GULP1: variants seen among roughly 807,000 people sequenced by gnomAD.
GULP1 encodes the protein GULP PTB domain containing engulfment adaptor 1.
A neutral mutation model predicts 40.9 loss-of-function variants in GULP1; 19 were observed. That is an observed-to-expected ratio of 0.46 (90% confidence interval 0.32 to 0.68). The LOEUF is 0.68. Among genes scored for constraint, GULP1 ranks in the 30% least tolerant of loss-of-function variants. GULP1 has a pLI of 0.03. For missense variants in GULP1, 312 were observed against 362.2 expected (o/e 0.86, Z 1.12); for synonymous variants, 119 against 117.6 (o/e 1.01, Z -0.08).
In GULP1 at chr2:188,548,827, GGTTTTGTTTT is replaced by G. The variant is rs146982832; in HGVS notation, c.399+7535_399+7544del. ...AAAAGCAGTGCAATAGGGGAAAGAAGGTTTTGTTTTGTTTTGTTTTGTTTTGTTTTGTTTT... is the reference window on the plus strand; with the variant it reads ...AAAAGCAGTGCAATAGGGGAAAGAAGGTTTTGTTTTGTTTTGTTTTGTTTT... On this transcript the variant is annotated intron_variant, in intron 7 of 11. Transcript: ENST00000409830. Among the ~76,000 whole-genome samples, 731 of 149,576 alleles carry G rather than the reference GGTTTTGTTTT, an allele frequency of 4.9e-3. 10 individuals carry two copies. The highest frequency in any genetic ancestry group is 0.017 in the African/African-American group (681 of 40,748).
intron 1 of GULP1, among the ~76,000 whole-genome samples, chr2:188,335,386 T>G (rs1359073650): frequency 6.6e-6 from 1 of 152,190 alleles, no homozygotes; most frequent in Non-Finnish European, 1.5e-5. Flanking sequence ...TCAGATGTTT[T>G]CTTTGCATTT....
At chr2:188,516,470 T>C (rs1300369836) in intron 4 of GULP1, among the ~76,000 whole-genome samples, 1 of 152,148 alleles carries the variant, frequency 6.6e-6, no homozygotes, top group Non-Finnish European at 1.5e-5. Context: ...CTTGTATATT[T>C]GTTTTCACTC....
chr2:188,496,163 C>T (rs1400886177), intron 4 of GULP1, among the ~76,000 whole-genome samples: 1 of 151,986 alleles, frequency 6.6e-6, no homozygotes, highest in Non-Finnish European at 1.5e-5. Flanking sequence ...CCAGATTCTG[C>T]AGGTTCAGAT....
At chr2:188,363,574 G>T (rs941856585) in intron 1 of GULP1, among the ~76,000 whole-genome samples, 2 of 152,122 alleles carry the variant, frequency 1.3e-5, no homozygotes, top group African/African-American at 4.8e-5. Context: ...AGGAATGAAT[G>T]AAGTGTTAGT....
At chr2:188,570,622 A>C (rs375460784) in intron 9 of GULP1, among the ~76,000 whole-genome samples, 1 of 152,306 alleles carries the variant, frequency 6.6e-6, no homozygotes, top group East Asian at 1.9e-4. Context: ...GACAAAACTC[A>C]AGTCTTTGTA....
At chr2:188,378,813 G>A (rs1174669341) in intron 1 of GULP1, among the ~76,000 whole-genome samples, 1 of 152,094 alleles carries the variant, frequency 6.6e-6, no homozygotes, top group East Asian at 1.9e-4. Flanking sequence ...GTTTAACATT[G>A]GGGATCACAT....
At chr2:188,445,062 G>T (rs1436130904) in intron 2 of GULP1, among the ~76,000 whole-genome samples, 6 of 152,092 alleles carry the variant, frequency 3.9e-5, no homozygotes, top group Admixed American at 6.6e-5. Context: ...GGAACGAAAA[G>T]GTTCCTAGTT....
intron 1 of GULP1, among the ~76,000 whole-genome samples, chr2:188,368,567 C>G (rs535002213): frequency 1.3e-5 from 2 of 151,296 alleles, no homozygotes; most frequent in African/African-American, 4.9e-5. Context: ...GGTAACAGAG[C>G]GAGACTCCAT....
At chr2:188,506,091 T>A (rs948525473) in intron 4 of GULP1, among the ~76,000 whole-genome samples, 3 of 151,836 alleles carry the variant, frequency 2.0e-5, no homozygotes, top group African/African-American at 7.2e-5. Context: ...CCTAATAAAG[T>A]TTTAGTGTGA....
chr2:188,369,391 G>GA (rs56104834), intron 1 of GULP1, among the ~76,000 whole-genome samples: 28,383 of 147,456 alleles, frequency 0.19, 2,688 homozygotes, highest in East Asian at 0.25. Context: ...TTGATTGCAA[G>GA]AAAAAAAAAA....
At chr2:188,455,401 TG>T (rs1023186352) in intron 2 of GULP1, among the ~76,000 whole-genome samples, 1 of 152,116 alleles carries the variant, frequency 6.6e-6, no homozygotes, top group Non-Finnish European at 1.5e-5. Context: ...ATGGGAATTA[TG>T]GGGGCAGGAC....
intron 7 of GULP1, among the ~76,000 whole-genome samples, chr2:188,556,253 G>A (rs1694732709): frequency 6.6e-6 from 1 of 151,942 alleles, no homozygotes. Flanking sequence ...CTTTATATTT[G>A]TCCGACTGAA....
At chr2:188,509,112 A>C (rs61063988) in intron 4 of GULP1, among the ~76,000 whole-genome samples, 1 of 151,970 alleles carries the variant, frequency 6.6e-6, no homozygotes, top group Non-Finnish European at 1.5e-5. Context: ...CTTTCTTTTC[A>C]AGTATCTGGA....
chr2:188,567,682 G>A (rs761800870), intron 7 of GULP1, among the ~76,000 whole-genome samples: 10 of 152,022 alleles, frequency 6.6e-5, no homozygotes, highest in Non-Finnish European at 1.3e-4. Context: ...TGGGTCAATA[G>A]GTGCAGCAAA....
intron 2 of GULP1, among the ~76,000 whole-genome samples, chr2:188,394,594 A>G (rs1053523851): frequency 6.6e-6 from 1 of 152,126 alleles, no homozygotes; most frequent in African/African-American, 2.4e-5. Flanking sequence ...TGGGGGTATT[A>G]TAGAACCCTG....
chr2:188,298,493 G>T (rs1238863095), intron 1 of GULP1, among the ~76,000 whole-genome samples: 1 of 151,896 alleles, frequency 6.6e-6, no homozygotes, highest in Non-Finnish European at 1.5e-5. Flanking sequence ...AAAGTCTATT[G>T]GTATTTTAGA....
At chr2:188,406,155 A>G (rs1220992097) in intron 2 of GULP1, among the ~76,000 whole-genome samples, 1 of 152,186 alleles carries the variant, frequency 6.6e-6, no homozygotes. Context: ...ATATACCTAT[A>G]TGGTATATAT....
intron 2 of GULP1, among the ~76,000 whole-genome samples, chr2:188,471,011 G>A (rs1487484561): frequency 6.6e-6 from 1 of 152,058 alleles, no homozygotes; most frequent in Non-Finnish European, 1.5e-5. Context: ...GTGGGATGTT[G>A]AAATCTCCAG....
chr2:188,491,015 C>T (rs1041491794), intron 4 of GULP1, among the ~76,000 whole-genome samples: 13 of 151,970 alleles, frequency 8.6e-5, no homozygotes, highest in African/African-American at 3.1e-4. Flanking sequence ...TATTGCTGGT[C>T]TTGAACTCCT....
Sources: allele counts gnomAD v4.1 joint callset (sites outside exome capture counted in the v4.1 genomes callset), GRCh38; gene constraint gnomAD v4.1.1; transcripts MANE v1.5; gene names NCBI Gene and HGNC (gene_info 2026-07-23, HGNC 2026-07-21).